RORB: variants seen among roughly 807,000 people sequenced by gnomAD.
The protein encoded by RORB is RAR related orphan receptor B.
A neutral mutation model predicts 59.1 loss-of-function variants in RORB; 6 were observed. The observed-to-expected ratio is 0.10, with a 90% CI of 0.06 to 0.20. The LOEUF (loss-of-function observed/expected upper bound fraction) is 0.20. Among genes scored for constraint, RORB ranks in the 10% least tolerant of loss-of-function variants. The pLI is 1.00. For missense variants in RORB, 320 were observed against 560.5 expected (o/e 0.57, Z 4.33); for synonymous variants, 215 against 204.5 (o/e 1.05, Z -0.44).
rs186999787 is a variant in RORB, at chr9:74,558,059, A to T, written c.7+60076A>T. On this transcript the variant is annotated intron_variant, in intron 1 of 9. Coordinates refer to ENST00000376896, the MANE Select transcript of RORB (RefSeq NM_006914.4). ...CTCCGGAGCAAACAATTATTAGCAGATATTTACATATGCTTCATTATGTAT... is the reference window on the plus strand; with the variant it reads ...CTCCGGAGCAAACAATTATTAGCAGTTATTTACATATGCTTCATTATGTAT... 2.5e-4 allele frequency among the ~76,000 whole-genome samples: 38 copies of T among 152,278 alleles called. 1 individual carries two copies. The East Asian group carries it at 6.2e-3, about 25-fold the overall frequency.
chr9:74,568,503 C>A (rs1822500613), intron 1 of RORB, among the ~76,000 whole-genome samples: 1 of 151,744 alleles, frequency 6.6e-6, no homozygotes, highest in African/African-American at 2.4e-5. Flanking sequence ...AGTTCAAGAC[C>A]AGCCTGGCCA....
Position 74,690,741 on chromosome 9 carries a change from G to C in RORB, c.*5123G>C, listed in dbSNP as rs1824727892. On this transcript the variant is annotated 3_prime_UTR_variant, in exon 10 of 10. Transcript: ENST00000376896. ...TTTTGGTATTTGATTGTCACAACTAGAGGATATAACAGGAGGTCAGTTTAA... is the reference window on the plus strand; with the variant it reads ...TTTTGGTATTTGATTGTCACAACTACAGGATATAACAGGAGGTCAGTTTAA... The C allele has an allele frequency of 6.6e-6, 1 of 152,174 alleles. No individual in the cohort carries two copies. The highest frequency in any genetic ancestry group is 1.5e-5 in the Non-Finnish European group (1 of 68,038). The allele number at this position is 152,174 out of a possible 1,614,324, so 9.4% of individuals were successfully genotyped here. A position where few individuals can be genotyped will look rare whatever the true frequency, so the allele number is the denominator to read the frequency against.
intron 1 of RORB, among the ~76,000 whole-genome samples, chr9:74,560,822 T>C (rs1415594733): frequency 2.0e-5 from 3 of 152,180 alleles, no homozygotes; most frequent in African/African-American, 7.2e-5. Flanking sequence ...ACATAAATGG[T>C]TCTTTCCTAC....
chr9:74,561,616 T>C (rs912228901), intron 1 of RORB, among the ~76,000 whole-genome samples: 2 of 152,192 alleles, frequency 1.3e-5, no homozygotes, highest in Admixed American at 6.6e-5. Flanking sequence ...TTTAGACTTA[T>C]AGGAAGGTGC....
At chr9:74,619,391 T>C (rs1319053877) in intron 1 of RORB, among the ~76,000 whole-genome samples, 1 of 152,226 alleles carries the variant, frequency 6.6e-6, no homozygotes, top group Admixed American at 6.5e-5. Context: ...GTATTCATTG[T>C]GAAGACAGAA....
intron 1 of RORB, among the ~76,000 whole-genome samples, chr9:74,591,151 A>C (rs2118288277): frequency 6.6e-6 from 1 of 152,356 alleles, no homozygotes; most frequent in Non-Finnish European, 1.5e-5. Flanking sequence ...AAAAGAGGTA[A>C]CGATGAAGAT....
chr9:74,516,424 T>C (rs566185561), intron 1 of RORB, among the ~76,000 whole-genome samples: 4 of 152,104 alleles, frequency 2.6e-5, no homozygotes, highest in South Asian at 4.2e-4. Flanking sequence ...CCAAGAGAGT[T>C]CTCACTGGGA....
chr9:74,613,906 T>C (rs1823271262), intron 1 of RORB, among the ~76,000 whole-genome samples: 1 of 152,192 alleles, frequency 6.6e-6, no homozygotes. Flanking sequence ...AAGGTCATGA[T>C]TTTATTATTT....
chr9:74,640,951 T>C (rs983161962), intron 3 of RORB, among the ~76,000 whole-genome samples: 36 of 152,350 alleles, frequency 2.4e-4, no homozygotes, highest in African/African-American at 8.4e-4. Flanking sequence ...TAGAGAGTTC[T>C]TAAGCACTTC....
intron 2 of RORB, among the ~76,000 whole-genome samples, chr9:74,634,150 A>G (rs955444464): frequency 2.0e-5 from 3 of 151,642 alleles, no homozygotes; most frequent in Non-Finnish European, 4.4e-5. Flanking sequence ...GGAAAAACAC[A>G]TCTTAGAAAC....
At chr9:74,578,544 G>A (rs1466801968) in intron 1 of RORB, among the ~76,000 whole-genome samples, 4 of 152,072 alleles carry the variant, frequency 2.6e-5, no homozygotes, top group Admixed American at 2.6e-4. Context: ...AATTAAAAAT[G>A]GAAGACAAAA....
intron 4 of RORB, among the ~76,000 whole-genome samples, chr9:74,658,004 CAA>C (rs60719147): frequency 2.3e-3 from 226 of 97,776 alleles, no homozygotes; most frequent in African/African-American, 6.4e-3. Flanking sequence ...GACTCGGTCT[CAA>C]AAAAAAAAAA....
intron 1 of RORB, among the ~76,000 whole-genome samples, chr9:74,523,532 T>C (rs1018821206): frequency 3.9e-5 from 6 of 151,958 alleles, no homozygotes; most frequent in African/African-American, 1.4e-4. Flanking sequence ...ATGGATCTGA[T>C]TTAAAAGTAT....
At chr9:74,582,485 C>T (rs757392905) in intron 1 of RORB, among the ~76,000 whole-genome samples, 22 of 152,146 alleles carry the variant, frequency 1.4e-4, no homozygotes, top group Non-Finnish European at 3.2e-4. Flanking sequence ...TTGAAGAGAA[C>T]CTTACAGAGG....
intron 1 of RORB, among the ~76,000 whole-genome samples, chr9:74,592,187 G>A (rs1587374217): frequency 6.6e-6 from 1 of 152,168 alleles, no homozygotes; most frequent in East Asian, 1.9e-4. Flanking sequence ...CAATGGGAAT[G>A]CAGGACTTCA....
At chr9:74,574,080 G>A (rs1822593983) in intron 1 of RORB, among the ~76,000 whole-genome samples, 2 of 152,216 alleles carry the variant, frequency 1.3e-5, no homozygotes, top group Admixed American at 6.5e-5. Context: ...GATGATGTCC[G>A]TTCTAGATTT....
chr9:74,633,252 C>G (rs1263895883), intron 2 of RORB, among the ~76,000 whole-genome samples: 1 of 152,140 alleles, frequency 6.6e-6, no homozygotes, highest in African/African-American at 2.4e-5. Flanking sequence ...TTTAGGCGAC[C>G]TTTAAATGTT....
chr9:74,677,783 G>A (rs555636352), intron 9 of RORB, among the ~76,000 whole-genome samples: 1 of 152,296 alleles, frequency 6.6e-6, no homozygotes, highest in South Asian at 2.1e-4. Flanking sequence ...ATAATGTGCT[G>A]TATTAATACA....
At chr9:74,685,213 G>A (rs1038347284) in intron 9 of RORB, among the ~76,000 whole-genome samples, 2 of 140,064 alleles carry the variant, frequency 1.4e-5, no homozygotes, top group Non-Finnish European at 3.1e-5. Context: ...ATTTAAGAGC[G>A]ATGAATCAGG....
Sources: allele counts gnomAD v4.1 joint callset (sites outside exome capture counted in the v4.1 genomes callset), GRCh38; gene constraint gnomAD v4.1.1; transcripts MANE v1.5; gene names NCBI Gene and HGNC (gene_info 2026-07-23, HGNC 2026-07-21).